SPOCK3: variants seen among roughly 807,000 people sequenced by gnomAD.
The protein encoded by SPOCK3 is testican-3.
SPOCK3 carries 30 observed loss-of-function variants against 56.6 expected under a neutral mutation model. The ratio of observed to expected loss-of-function variants is 0.53; its 90% CI spans 0.40 to 0.72. The LOEUF (loss-of-function observed/expected upper bound fraction) is 0.72, where lower values mean the gene tolerates loss of function less well. SPOCK3 is among the 30% of genes least tolerant of loss of function. The pLI is 0.00. For synonymous variants in SPOCK3, 196 were observed against 183.3 expected (o/e 1.07, Z -0.56); for missense variants, 527 against 530.0 (o/e 0.99, Z 0.06).
chr4:167,221,895 T>C (rs1460007184), intron 2 of SPOCK3, among the ~76,000 whole-genome samples: 1 of 152,138 alleles, frequency 6.6e-6, no homozygotes, highest in Non-Finnish European at 1.5e-5. Context: ...GAAAACAGTA[T>C]GGCAGTTCCT....
At chr4:167,219,600 G>C (rs772024584) in intron 2 of SPOCK3, among the ~76,000 whole-genome samples, 21 of 151,956 alleles carry the variant, frequency 1.4e-4, no homozygotes, top group Non-Finnish European at 2.9e-4. Flanking sequence ...TTTTACTTAT[G>C]CTAAGAATAA....
rs565492728 is a variant in SPOCK3 at position 166,755,421 on chromosome 4, T to C, written c.710-692A>G. On this transcript the variant is annotated intron_variant, in intron 7 of 10. Coordinates refer to ENST00000357545, the MANE Select transcript of SPOCK3 (RefSeq NM_001040159.2). The stretch of plus-strand genomic sequence containing the variant: ...TATTCAAGCTACACACTACTCCACA[T>C]GGGTTACCCCTGGTAAGCTGCAGAC... 1.6e-4 allele frequency among the ~76,000 whole-genome samples: 24 copies of C among 152,272 alleles called. No homozygotes were observed. The South Asian group carries it at 4.6e-3, about 29-fold the overall frequency.
chr4:167,133,903 A>T (rs905099976), intron 2 of SPOCK3, among the ~76,000 whole-genome samples: 3 of 152,202 alleles, frequency 2.0e-5, no homozygotes, highest in Admixed American at 6.5e-5. Flanking sequence ...AATTTCAAAC[A>T]GAATCTGTTG....
chr4:167,201,689 T>C (rs931421306), intron 2 of SPOCK3, among the ~76,000 whole-genome samples: 3 of 151,658 alleles, frequency 2.0e-5, no homozygotes, highest in African/African-American at 7.3e-5. Flanking sequence ...TTTTTTTTTT[T>C]CTTCTTTAAT....
At chr4:167,083,345 T>C in intron 2 of SPOCK3, 1 of 763,006 alleles carries the variant, frequency 1.3e-6, no homozygotes, top group Non-Finnish European at 2.4e-6. Context: ...ACCATGTGCA[T>C]TCTCTCTTGC....
chr4:166,953,685 C>T (rs531438036), intron 4 of SPOCK3, among the ~76,000 whole-genome samples: 51 of 152,248 alleles, frequency 3.3e-4, no homozygotes, highest in African/African-American at 1.2e-3. Flanking sequence ...GGAACCAACC[C>T]AAATGTCCAA....
intron 2 of SPOCK3, among the ~76,000 whole-genome samples, chr4:167,151,494 G>T (rs1324774580): frequency 6.7e-6 from 1 of 149,624 alleles, no homozygotes; most frequent in African/African-American, 2.5e-5. Context: ...GAGTGCAGTG[G>T]CATGATCTCG....
intron 6 of SPOCK3, among the ~76,000 whole-genome samples, chr4:166,819,505 T>C (rs1282631760): frequency 1.3e-5 from 2 of 152,112 alleles, no homozygotes; most frequent in African/African-American, 4.8e-5. Context: ...ATACAATTAA[T>C]AGAACTAATA....
At chr4:167,025,899 C>CGTGGTGG (rs1751654955) in intron 3 of SPOCK3, among the ~76,000 whole-genome samples, 1 of 152,062 alleles carries the variant, frequency 6.6e-6, no homozygotes, top group African/African-American at 2.4e-5. Context: ...ACCTAGGCTA[C>CGTGGTGG]ATGGTGGAGC....
chr4:167,069,213 T>A (rs6853805), intron 2 of SPOCK3, among the ~76,000 whole-genome samples: 151,919 of 152,000 alleles, frequency 1, 75,919 homozygotes, highest in Non-Finnish European at 1. Context: ...GCAGAATGGC[T>A]TTCAGGACAT....
At chr4:167,158,205 ATGAG>A (rs1764975117) in intron 2 of SPOCK3, among the ~76,000 whole-genome samples, 1 of 151,982 alleles carries the variant, frequency 6.6e-6, no homozygotes, top group Non-Finnish European at 1.5e-5. Context: ...CTAACCTTAA[ATGAG>A]ATGTTTTTTA....
intron 6 of SPOCK3, among the ~76,000 whole-genome samples, chr4:166,874,478 C>T (rs764714073): frequency 2.0e-5 from 3 of 152,094 alleles, no homozygotes; most frequent in African/African-American, 4.8e-5. Flanking sequence ...CTAAGGACAT[C>T]GTATCTGTGT....
At chr4:166,793,615 G>A (rs1741585396) in intron 6 of SPOCK3, among the ~76,000 whole-genome samples, 1 of 151,900 alleles carries the variant, frequency 6.6e-6, no homozygotes, top group Admixed American at 6.5e-5. Context: ...CCCAGTACCT[G>A]GTATGGTGGG....
In SPOCK3 at chr4:166,929,745, T is replaced by A. The variant is rs193169627; in HGVS notation, c.351-17002A>T. Among the ~76,000 whole-genome samples, 11 of 152,226 alleles carry A rather than the reference T, an allele frequency of 7.2e-5. No homozygotes were observed. In the East Asian group the frequency reaches 1.7e-3, roughly 24 times the overall value. The stretch of plus-strand genomic sequence containing the variant: ...CCTTGCTCAACTGGAAGATACGATA[T>A]CCATTAGCTATATGATTTTTCCTCT... On this transcript the variant is annotated intron_variant, in intron 4 of 10. Coordinates refer to ENST00000357545, the MANE Select transcript of SPOCK3 (RefSeq NM_001040159.2).
chr4:166,976,131 A>G (rs1048431416), intron 4 of SPOCK3, among the ~76,000 whole-genome samples: 2 of 148,520 alleles, frequency 1.3e-5, no homozygotes, highest in Admixed American at 1.3e-4. Flanking sequence ...ACACACACAC[A>G]AAACAGCCAA....
At chr4:166,796,101 G>A (rs1741908529) in intron 6 of SPOCK3, among the ~76,000 whole-genome samples, 2 of 152,110 alleles carry the variant, frequency 1.3e-5, no homozygotes, top group East Asian at 1.9e-4. Flanking sequence ...ATCAGATACC[G>A]AATTTGCTGG....
intron 3 of SPOCK3, among the ~76,000 whole-genome samples, chr4:167,053,243 T>A (rs1456187542): frequency 6.6e-6 from 1 of 151,834 alleles, no homozygotes; most frequent in Admixed American, 6.6e-5. Flanking sequence ...AAACTGCCCC[T>A]CCCCAGACCC....
intron 4 of SPOCK3, among the ~76,000 whole-genome samples, chr4:166,972,906 G>T (rs1232251957): frequency 6.6e-6 from 1 of 152,094 alleles, no homozygotes; most frequent in Non-Finnish European, 1.5e-5. Context: ...CAGTAGTTTG[G>T]ATAAACTTGG....
intron 2 of SPOCK3, among the ~76,000 whole-genome samples, chr4:167,159,585 C>CA (rs1017664150): frequency 2.0e-5 from 3 of 151,798 alleles, no homozygotes; most frequent in Non-Finnish European, 2.9e-5. Context: ...GAGACACAAC[C>CA]AAAAAAGAGA....
Sources: allele counts gnomAD v4.1 joint callset (sites outside exome capture counted in the v4.1 genomes callset), GRCh38; gene constraint gnomAD v4.1.1; transcripts MANE v1.5; gene names NCBI Gene and HGNC (gene_info 2026-07-23, HGNC 2026-07-21).